The following RNF212B variants were observed in gnomAD, a reference collection of about 807,000 sequenced individuals.
RNF212B encodes the protein ring finger protein 212B, also known as E3 ubiquitin-protein ligase RNF212B.
A neutral mutation model predicts 55.5 loss-of-function variants in RNF212B; 52 were observed. The ratio of observed to expected loss-of-function variants is 0.94; its 90% confidence interval spans 0.75 to 1.18. The LOEUF is 1.18. Ranked by LOEUF, RNF212B falls within the 50% of genes most tolerant of loss-of-function variation. RNF212B has a pLI of 0.00. For synonymous variants in RNF212B, 99 were observed against 121.4 expected (o/e 0.82, Z 1.21); for missense variants, 289 against 350.4 (o/e 0.82, Z 1.40).
At chr14:23,238,960 C>T (rs942859385) in intron 1 of RNF212B, among the ~76,000 whole-genome samples, 41 of 151,976 alleles carry the variant, frequency 2.7e-4, no homozygotes, top group Admixed American at 1.7e-3. Context: ...ATGGAACTTT[C>T]GACAAGTCAT....
chr14:23,264,640 G>T lies in RNF212B; in HGVS notation c.603G>T (p.Gln201His), dbSNP rs1885544391. The T allele has an allele frequency of 1.5e-6, 2 of 1,337,656 alleles. No homozygotes were observed. The highest frequency in any genetic ancestry group is 1.9e-4 in the Middle Eastern group (1 of 5,144). The allele number at this position is 1,337,656 out of a possible 1,614,324, so 82.9% of individuals were successfully genotyped here. Residue 201 changes from glutamine to histidine, a missense_variant, in exon 11 of 15, where the codon CAG becomes CAT. Coordinates refer to ENST00000430154, the MANE Select transcript of RNF212B (RefSeq NM_001282322.3). ...TCTATCAGGGAGGCAGAGGTCTGCA[G>T]GGAAGGAGAACTCCCAGAGACTCTT... ...GSLGQGGRGL[Q>H]GRRTPRDSYN...
intron 2 of RNF212B, among the ~76,000 whole-genome samples, chr14:23,225,423 T>A (rs910289126): frequency 6.6e-6 from 1 of 152,180 alleles, no homozygotes; most frequent in Non-Finnish European, 1.5e-5. Flanking sequence ...CATCAACAGA[T>A]GAATGGATAA....
At chr14:23,247,632 A>G (rs1016232460) in intron 4 of RNF212B, among the ~76,000 whole-genome samples, 3 of 152,182 alleles carry the variant, frequency 2.0e-5, no homozygotes, top group African/African-American at 7.2e-5. Context: ...ATAATAATCT[A>G]TTATATAAAT....
At chr14:23,266,999 C>T (rs140899645) in intron 11 of RNF212B, among the ~76,000 whole-genome samples, 17 of 152,246 alleles carry the variant, frequency 1.1e-4, no homozygotes, top group African/African-American at 4.1e-4. Context: ...GACAGAGTCT[C>T]GTGCTGTTGT....
chr14:23,204,131 T>C (rs1419291958), intron 2 of RNF212B, among the ~76,000 whole-genome samples: 1 of 152,252 alleles, frequency 6.6e-6, no homozygotes, highest in Non-Finnish European at 1.5e-5. Context: ...TAGTCCTTTG[T>C]CAGATGGATA....
chr14:23,208,601 C>G (rs1323436337), intron 2 of RNF212B, among the ~76,000 whole-genome samples: 1 of 152,028 alleles, frequency 6.6e-6, no homozygotes, highest in African/African-American at 2.4e-5. Context: ...GAAAGGGGCC[C>G]AGACCCAGAC....
chr14:23,250,876 G>T lies in RNF212B; in HGVS notation c.228+6480G>T, dbSNP rs371093389. ...GCTTCTAGGTCATAGGTAGATAAGA[G>T]ACCAATGGTTGCCTTCTTTTGAGTT... On this transcript the variant is annotated intron_variant, in intron 4 of 14. Transcript: ENST00000430154. 6.8e-4 allele frequency among the ~76,000 whole-genome samples: 104 copies of T among 152,292 alleles called. No individual in the cohort carries two copies. In the Middle Eastern group the frequency reaches 0.01, roughly 15 times the overall value.
chr14:23,221,433 T>G (rs1344109177), intron 2 of RNF212B, among the ~76,000 whole-genome samples: 2 of 152,164 alleles, frequency 1.3e-5, no homozygotes, highest in Non-Finnish European at 2.9e-5. Flanking sequence ...CAATTCAGCA[T>G]GAGAGTGTAA....
At chr14:23,253,352 G>A (rs1241399888) in intron 4 of RNF212B, among the ~76,000 whole-genome samples, 3 of 152,012 alleles carry the variant, frequency 2.0e-5, no homozygotes, top group Admixed American at 2.0e-4. Context: ...TACACTATAA[G>A]TTTTCTCTTG....
intron 2 of RNF212B, among the ~76,000 whole-genome samples, chr14:23,223,942 A>G (rs1361008259): frequency 6.6e-6 from 1 of 152,242 alleles, no homozygotes; most frequent in Non-Finnish European, 1.5e-5. Flanking sequence ...TTTATATGCC[A>G]ACAGTGAATA....
chr14:23,267,072 G>A (rs1010047320), intron 11 of RNF212B, among the ~76,000 whole-genome samples: 3 of 152,086 alleles, frequency 2.0e-5, no homozygotes, highest in Non-Finnish European at 4.4e-5. Context: ...AGGCTTAAGC[G>A]ATAGTCCCAC....
chr14:23,216,485 A>T (rs1249350591), intron 2 of RNF212B, among the ~76,000 whole-genome samples: 1 of 152,156 alleles, frequency 6.6e-6, no homozygotes, highest in African/African-American at 2.4e-5. Context: ...TAACTGTATC[A>T]ATCAAAAGAT....
intron 4 of RNF212B, among the ~76,000 whole-genome samples, chr14:23,254,306 ACAAAAC>A (rs1884634064): frequency 6.7e-6 from 1 of 149,052 alleles, no homozygotes. Flanking sequence ...ACAAAACAAA[ACAAAAC>A]AAAACAAAAA....
chr14:23,246,930 C>CCA (rs1276498452), intron 4 of RNF212B, among the ~76,000 whole-genome samples: 9 of 152,038 alleles, frequency 5.9e-5, no homozygotes, highest in Non-Finnish European at 1.0e-4. Flanking sequence ...CACCTGAGGT[C>CCA]CGGGGTTCGA....
chr14:23,187,021 C>T (rs1323038349), intron 1 of RNF212B, among the ~76,000 whole-genome samples: 1 of 152,194 alleles, frequency 6.6e-6, no homozygotes, highest in African/African-American at 2.4e-5. Context: ...ACCCACAGGA[C>T]TTCACCTGGG....
rs549811345 is a variant in RNF212B at position 23,208,929 on chromosome 14, T to G, written c.-2+15528T>G. Among the ~76,000 whole-genome samples the G allele has an allele frequency of 1.8e-3, 272 of 151,550 alleles. 1 individual carries two copies. Among genetic ancestry groups the G allele is most frequent in the Admixed American group, 8.4e-3 (128 of 15,218 alleles). ...GCCCGCCACTACGCCTGGCTAATTTTTTGTATTTTTAGTAGAGACGGGGTT... is the reference window on the plus strand; with the variant it reads ...GCCCGCCACTACGCCTGGCTAATTTGTTGTATTTTTAGTAGAGACGGGGTT... On this transcript the variant is annotated intron_variant, in intron 2 of 15. Coordinates refer to the RNF212B transcript ENST00000399910.
chr14:23,226,728 A>T (rs774641113), intron 2 of RNF212B, among the ~76,000 whole-genome samples: 13 of 151,022 alleles, frequency 8.6e-5, no homozygotes, highest in Non-Finnish European at 1.8e-4. Flanking sequence ...GTCTCGTCTT[A>T]TCTCGGCTAG....
chr14:23,209,138 T>C (rs545444711), intron 2 of RNF212B, among the ~76,000 whole-genome samples: 1 of 152,318 alleles, frequency 6.6e-6, no homozygotes, highest in Admixed American at 6.5e-5. Flanking sequence ...TTTTAGACCA[T>C]ATAAGATAAC....
chr14:23,269,248 AGCTGACATGGTGTCACT>A (rs1297472214), intron 12 of RNF212B, among the ~76,000 whole-genome samples: 2 of 152,148 alleles, frequency 1.3e-5, no homozygotes, highest in Non-Finnish European at 2.9e-5. Context: ...GGTTGCAGTG[AGCTGACATGGTGTCACT>A]GCCCTCCAGC....
Sources: gnomAD v4.1 joint callset for allele counts (sites outside exome capture counted in the v4.1 genomes callset) on GRCh38, gnomAD v4.1.1 for gene constraint, MANE v1.5 for transcripts, NCBI Gene and HGNC (gene_info 2026-07-23, HGNC 2026-07-21) for gene names.